E2F4: variants seen among roughly 807,000 people sequenced by gnomAD.
E2F4 encodes the protein transcription factor E2F4.
A neutral mutation model predicts 44.5 loss-of-function variants in E2F4; 16 were observed. That is an observed-to-expected ratio of 0.36 (90% CI 0.24 to 0.55). The LOEUF is 0.55. E2F4 is among the 20% of genes least tolerant of loss of function. E2F4 has a pLI of 0.87. For synonymous variants in E2F4, 242 were observed against 207.2 expected, an observed-to-expected ratio of 1.17 and a Z score of -1.44; for missense variants, 473 against 522.1, an observed-to-expected ratio of 0.91 and a Z score of 0.92.
chr16:67,195,096 C>A, intron 6 of E2F4, 116 bp downstream of exon 6: 2 of 1,301,618 alleles, frequency 1.5e-6, no homozygotes, highest in Non-Finnish European at 2.1e-6. Flanking sequence ...CTTTTCCTGA[C>A]CACCTAGCCT....
At chr16:67,193,282 C>T in intron 3 of E2F4, 112 bp downstream of exon 3, 3 of 1,514,002 alleles carry the variant, frequency 2.0e-6, no homozygotes, top group Non-Finnish European at 2.7e-6. Flanking sequence ...GGCCATGGCC[C>T]AGCCTCAGGC....
In E2F4 at chr16:67,194,772, G is replaced by A; in HGVS notation, c.600G>A (p.Trp200Ter). The A allele has an allele frequency of 6.2e-7, 1 of 1,614,168 alleles. No homozygotes were observed. The highest frequency in any genetic ancestry group is 8.5e-7 in the Non-Finnish European group (1 of 1,180,020). Residue 200 changes from tryptophan to a stop codon, truncating the protein, a stop_gained, in exon 6 of 10, where the codon TGG becomes TGA. Coordinates refer to ENST00000379378, the MANE Select transcript of E2F4 (RefSeq NM_001950.4). LOFTEE classifies it high-confidence loss of function. Reference protein sequence around the residue: ...IEVLLVNKEAWSSPPVAVPVP... With the variant: ...IEVLLVNKEA The stretch of plus-strand genomic sequence containing the variant: ...TTCTGCTGGTGAACAAGGAGGCATG[G>A]AGCTCACCCCCTGTGGCTGTGCCTG...
At chr16:67,193,195 G>T (rs910856625) in intron 3 of E2F4, 25 bp downstream of exon 3, 2 of 1,554,550 alleles carry the variant, frequency 1.3e-6, no homozygotes, top group East Asian at 2.4e-5. Flanking sequence ...GTCCCTGCTG[G>T]GGGGAGTGGG....
chr16:67,193,097 C>G lies in E2F4; in HGVS notation c.334C>G (p.Gln112Glu), dbSNP rs1325728653. ...GATCGAGGAGCTGCAGCAGCGGGAG[C>G]AAGAACTAGACCAGCACAAGGTGTG... ...AEIEELQQRE[Q>E]ELDQHKVWVQ... Residue 112 changes from glutamine (Q) to glutamate (E), a missense_variant, in exon 3 of 10, where the codon CAA (glutamine) becomes GAA (glutamate). Gln to Glu is a conservative substitution (Grantham distance 29, BLOSUM62 2). Transcript: ENST00000379378. 1 of 1,572,472 alleles carries G rather than the reference C, an allele frequency of 6.4e-7. No individual in the cohort carries two copies. The highest frequency in any genetic ancestry group is 1.9e-5 in the Admixed American group (1 of 53,532).
At chr16:67,196,990 A>C (rs1239708836) in intron 7 of E2F4, among the ~76,000 whole-genome samples, 1 of 152,102 alleles carries the variant, frequency 6.6e-6, no homozygotes, top group Non-Finnish European at 1.5e-5. Context: ...CTTTACCCTG[A>C]CTGACAGACT....
intron 4 of E2F4, 42 bp downstream of exon 4, chr16:67,193,557 C>T (rs2032922597): frequency 6.2e-7 from 1 of 1,608,158 alleles, no homozygotes; most frequent in Non-Finnish European, 8.5e-7. Flanking sequence ...GGGCTGGGCT[C>T]AGCCAAAGTC....
chr16:67,197,217 A>G (rs1273285190), intron 7 of E2F4, among the ~76,000 whole-genome samples: 3 of 151,984 alleles, frequency 2.0e-5, no homozygotes, highest in African/African-American at 7.3e-5. Context: ...TAGCGCCACC[A>G]CCTCTGCCTG....
chr16:67,194,751 G>C lies in E2F4; in HGVS notation c.579G>C (p.Leu193=), dbSNP rs139824421. 1.2e-6 allele frequency: 2 copies of C among 1,614,192 alleles called. No individual in the cohort carries two copies. Among genetic ancestry groups the C allele is most frequent in the Admixed American group, 1.7e-5 (1 of 60,028 alleles). The part of the protein sequence containing the change: ...LKSVSGPIEV[L]LVNKEAWSSP... The stretch of plus-strand genomic sequence containing the variant: ...GTGTGAGTGGTCCCATTGAGGTTCT[G>C]CTGGTGAACAAGGAGGCATGGAGCT... The change falls in exon 6 of 10, where the codon CTG becomes CTC. Residue 193 remains leucine (L), a synonymous_variant. Coordinates refer to ENST00000379378, the MANE Select transcript of E2F4 (RefSeq NM_001950.4).
At chr16:67,194,617 C>T (rs910527333) in intron 5 of E2F4, 69 bp from the exon 6 acceptor site, 163 of 1,580,726 alleles carry the variant, frequency 1.0e-4, no homozygotes, top group Non-Finnish European at 1.3e-4. Flanking sequence ...GGTCCTGACC[C>T]GGAGTCGGGC....
At chr16:67,193,377 G>T in intron 3 of E2F4, 95 bp from the exon 4 acceptor site, 1 of 1,539,236 alleles carries the variant, frequency 6.5e-7, no homozygotes, top group South Asian at 1.1e-5. Flanking sequence ...GTCTCTGAGG[G>T]CCTGTGTGTC....
At chr16:67,193,357 C>A in intron 3 of E2F4, 115 bp from the exon 4 acceptor site, 1 of 1,503,998 alleles carries the variant, frequency 6.6e-7, no homozygotes, top group Non-Finnish European at 9.3e-7. Flanking sequence ...GGACCTGAGT[C>A]CCCAGAACGG....
Position 67,198,171 on chromosome 16 carries a change from G to C in E2F4, c.*48G>C. 6.4e-7 allele frequency: 1 copy of C among 1,574,244 alleles called. No individual in the cohort carries two copies. Among genetic ancestry groups the C allele is most frequent in the South Asian group, 1.1e-5 (1 of 90,228 alleles). On this transcript the variant is annotated 3_prime_UTR_variant, in exon 10 of 10. Transcript: ENST00000379378. ...GGCTGGGACCCAGACTGTCTGACCT[G>C]GGGGTTGCCTGGGGACCTCTCCCAC...
At position 67,192,844 on chromosome 16, in the gene E2F4, A is replaced by G. The variant is rs2032908817; in HGVS notation, c.219A>G (p.Lys73=). The G allele has an allele frequency of 1.2e-6, 2 of 1,612,296 alleles. No homozygotes were observed. Among genetic ancestry groups the G allele is most frequent in the South Asian group, 1.1e-5 (1 of 90,710 alleles). The stretch of plus-strand genomic sequence containing the variant: ...TGGAAGGTATCGGGCTAATCGAGAA[A>G]AAGTCCAAGAACAGCATCCAGTGGA... ...NVLEGIGLIE[K]KSKNSIQWKG... The change falls in exon 2 of 10, where the codon AAA becomes AAG. Residue 73 remains lysine, a synonymous_variant. Transcript: ENST00000379378.
chr16:67,198,255 G>C lies in E2F4; in HGVS notation c.*132G>C. ...CTGGCTTCTCCGGCCTCCCCTCACC[G>C]CACAGTTCTGGCCACAGCTCCCGCT... On this transcript the variant is annotated 3_prime_UTR_variant, in exon 10 of 10. Coordinates refer to ENST00000379378, the MANE Select transcript of E2F4 (RefSeq NM_001950.4). The C allele has an allele frequency of 3.9e-6, 3 of 760,132 alleles. No individual in the cohort carries two copies. The highest frequency in any genetic ancestry group is 1.6e-5 in the South Asian group (1 of 64,330). The allele number at this position is 760,132 out of a possible 1,614,324, so 47.1% of individuals were successfully genotyped here. A position where few individuals can be genotyped will look rare whatever the true frequency, so the allele number is the denominator to read the frequency against.
chr16:67,197,300 C>T (rs538347624), intron 7 of E2F4, among the ~76,000 whole-genome samples: 1 of 152,282 alleles, frequency 6.6e-6, no homozygotes, highest in East Asian at 1.9e-4. Context: ...AGATGGGGTA[C>T]CTTCTGTCAG....
Position 67,194,773 on chromosome 16 carries a change from A to G in E2F4, c.601A>G (p.Ser201Gly). The G allele has an allele frequency of 6.2e-7, 1 of 1,614,090 alleles. No homozygotes were observed. Among genetic ancestry groups the G allele is most frequent in the Non-Finnish European group, 8.5e-7 (1 of 1,180,006 alleles). ...TCTGCTGGTGAACAAGGAGGCATGG[A>G]GCTCACCCCCTGTGGCTGTGCCTGT... ...EVLLVNKEAW[S>G]SPPVAVPVPP... Residue 201 changes from serine to glycine, a missense_variant, in exon 6 of 10, where the codon AGC becomes GGC. By Grantham distance (56) the Ser-to-Gly change is moderately conservative. Coordinates refer to ENST00000379378, the MANE Select transcript of E2F4 (RefSeq NM_001950.4).
At chr16:67,193,561 C>T (rs1411632201) in intron 4 of E2F4, 46 bp downstream of exon 4, 3 of 1,603,294 alleles carry the variant, frequency 1.9e-6, no homozygotes, top group East Asian at 2.2e-5. Context: ...TGGGCTCAGC[C>T]AAAGTCCTGA....
Position 67,198,049 on chromosome 16 carries a change from C to G in E2F4, c.1168C>G (p.His390Asp). 1 of 1,614,082 alleles carries G rather than the reference C, an allele frequency of 6.2e-7. No homozygotes were observed. The change falls in exon 10 of 10, where the codon CAC becomes GAC. Residue 390 changes from histidine (H) to aspartate (D), a missense_variant. Transcript: ENST00000379378. ...TCGTCTTTCTCCACCCCCGGGAGAC[C>G]ACGATTATATCTACAACCTGGACGA... ...LLRLSPPPGD[H>D]DYIYNLDESE...
intron 7 of E2F4, among the ~76,000 whole-genome samples, chr16:67,196,928 C>T (rs1438856087): frequency 2.6e-5 from 4 of 152,216 alleles, no homozygotes. Flanking sequence ...GTATCCTCAG[C>T]ACTCAGGATG....
Sources: allele counts gnomAD v4.1 joint callset (sites outside exome capture counted in the v4.1 genomes callset), GRCh38; gene constraint gnomAD v4.1.1; transcripts MANE v1.5; gene names NCBI Gene and HGNC (gene_info 2026-07-23, HGNC 2026-07-21).